The following TBC1D19 variants were observed in gnomAD, a reference collection of about 807,000 sequenced individuals.
TBC1D19 encodes TBC1 domain family, member 19.
TBC1D19 carries 60 observed loss-of-function variants against 89.0 expected under a neutral mutation model. The ratio of observed to expected loss-of-function variants is 0.67; its 90% CI spans 0.55 to 0.84. TBC1D19 has a LOEUF of 0.84. Ranked by LOEUF, TBC1D19 falls within the 40% of genes least tolerant of loss-of-function variation. The pLI is 0.00. For synonymous variants in TBC1D19, 189 were observed against 199.7 expected (o/e 0.95, Z 0.45); for missense variants, 500 against 610.8 (o/e 0.82, Z 1.91).
chr4:26,673,896 G>GA lies in TBC1D19; in HGVS notation c.816+15dup. 4 of 1,514,652 alleles carry GA rather than the reference G, an allele frequency of 2.6e-6. No individual in the cohort carries two copies. The highest frequency in any genetic ancestry group is 1.4e-5 in the African/African-American group (1 of 71,272). 93.8% of individuals were successfully genotyped at this position (1,514,652 alleles called of 1,614,324 possible). On this transcript the variant is annotated intron_variant, in intron 11 of 20. Transcript: ENST00000264866. ...ATTTCCAGCCAACCTGAGGTAAGAA[G>GA]AAAAAAAGGGTGGGTCAGATTTTAG...
chr4:26,849,631 G>T, the TBC1D19 span, among the ~76,000 whole-genome samples: 1 of 152,068 alleles, frequency 6.6e-6, no homozygotes, highest in African/African-American at 2.4e-5. Flanking sequence ...AATCTCAGAC[G>T]CCCAGCAAGT....
chr4:26,658,815 G>T (rs1745044086), intron 7 of TBC1D19, among the ~76,000 whole-genome samples: 1 of 152,134 alleles, frequency 6.6e-6, no homozygotes. Flanking sequence ...CTTGTAAATT[G>T]TATTGCTAGG....
chr4:26,699,818 A>G (rs1715157326), intron 13 of TBC1D19, among the ~76,000 whole-genome samples: 1 of 150,790 alleles, frequency 6.6e-6, no homozygotes, highest in South Asian at 2.1e-4. Flanking sequence ...AACAATGAGA[A>G]CACTTGGACA....
At chr4:26,617,917 G>A (rs752634983) in intron 3 of TBC1D19, among the ~76,000 whole-genome samples, 16 of 152,174 alleles carry the variant, frequency 1.1e-4, no homozygotes, top group Non-Finnish European at 2.2e-4. Context: ...AGAGTTACAA[G>A]TGTCAAACAG....
At chr4:26,720,776 A>T (rs903803139) in intron 15 of TBC1D19, among the ~76,000 whole-genome samples, 10 of 152,092 alleles carry the variant, frequency 6.6e-5, no homozygotes, top group Non-Finnish European at 2.9e-5. Context: ...TTGGGTTCAG[A>T]TCCCAATTCT....
At chr4:26,770,862 A>AC in the TBC1D19 span, among the ~76,000 whole-genome samples, 1 of 152,176 alleles carries the variant, frequency 6.6e-6, no homozygotes, top group East Asian at 1.9e-4. Context: ...TTGCTAAATA[A>AC]CCCATAGGTC....
upstream of TBC1D19, among the ~76,000 whole-genome samples, chr4:26,581,401 G>T (rs950240491): frequency 9.9e-5 from 15 of 152,090 alleles, no homozygotes; most frequent in Admixed American, 2.6e-4. Context: ...ACAGGCCCTG[G>T]TGTGTGATGT....
the TBC1D19 span, among the ~76,000 whole-genome samples, chr4:26,827,311 A>AT: frequency 6.6e-6 from 1 of 152,298 alleles, no homozygotes; most frequent in Non-Finnish European, 1.5e-5. Flanking sequence ...TTGGGTCAAA[A>AT]TCATCAGGCA....
At chr4:26,854,784 G>A in the TBC1D19 span, among the ~76,000 whole-genome samples, 4 of 144,646 alleles carry the variant, frequency 2.8e-5, no homozygotes, top group African/African-American at 1.0e-4. Context: ...GGTGGTAGAC[G>A]CTCCTGGGAT....
At chr4:26,833,394 T>TA in the TBC1D19 span, among the ~76,000 whole-genome samples, 1 of 152,180 alleles carries the variant, frequency 6.6e-6, no homozygotes, top group African/African-American at 2.4e-5. Context: ...GATAAATACA[T>TA]AGAGTCATGA....
chr4:26,783,654 G>T, the TBC1D19 span, among the ~76,000 whole-genome samples: 1 of 152,250 alleles, frequency 6.6e-6, no homozygotes, highest in South Asian at 2.1e-4. Flanking sequence ...AAATAAAGGG[G>T]GTATGCTTTT....
At chr4:26,675,207 AT>A (rs1712692858) in intron 11 of TBC1D19, among the ~76,000 whole-genome samples, 1 of 152,114 alleles carries the variant, frequency 6.6e-6, no homozygotes, top group African/African-American at 2.4e-5. Flanking sequence ...ACTTAACTGT[AT>A]AGAAATTGTA....
At chr4:26,699,869 G>A (rs1051350748) in intron 13 of TBC1D19, among the ~76,000 whole-genome samples, 22 of 151,480 alleles carry the variant, frequency 1.5e-4, no homozygotes, top group African/African-American at 4.9e-4. Flanking sequence ...GTTTTGGGGT[G>A]GGGGGAAGGG....
chr4:26,602,662 A>C (rs184657342), intron 1 of TBC1D19, among the ~76,000 whole-genome samples: 18 of 151,966 alleles, frequency 1.2e-4, no homozygotes, highest in South Asian at 2.1e-4. Context: ...GGATGGTCTC[A>C]ATCTCCTGAC....
At chr4:26,597,219 AT>A (rs1054568120) in intron 1 of TBC1D19, among the ~76,000 whole-genome samples, 2 of 152,018 alleles carry the variant, frequency 1.3e-5, no homozygotes, top group African/African-American at 4.8e-5. Context: ...ATTCTTTCAG[AT>A]TTTTGCTTAT....
rs528235141 is a variant in TBC1D19, at chr4:26,692,374, C to A, written c.954+3967C>A. On this transcript the variant is annotated intron_variant, in intron 13 of 20. Coordinates refer to ENST00000264866, the MANE Select transcript of TBC1D19 (RefSeq NM_018317.4). ...GCCAAAAATACTAGGGCCTCAACGG[C>A]TTTCACCTCATTTTGTTTATAGAGG... is the stretch of plus-strand genomic sequence containing the variant. Among the ~76,000 whole-genome samples, 5 of 152,294 alleles carry A rather than the reference C, an allele frequency of 3.3e-5. No homozygotes were observed. In the East Asian group the frequency reaches 9.7e-4, roughly 29 times the overall value.
chr4:26,713,639 T>G (rs1233308525), intron 13 of TBC1D19, among the ~76,000 whole-genome samples: 3 of 152,088 alleles, frequency 2.0e-5, no homozygotes, highest in Admixed American at 2.0e-4. Flanking sequence ...AACTGCCTCT[T>G]TACTGAATAA....
the TBC1D19 span, among the ~76,000 whole-genome samples, chr4:26,836,989 C>A: frequency 6.6e-6 from 1 of 152,130 alleles, no homozygotes; most frequent in Non-Finnish European, 1.5e-5. Flanking sequence ...CGAGCCTGGA[C>A]CCAGACCCAT....
At chr4:26,809,313 A>G in the TBC1D19 span, among the ~76,000 whole-genome samples, 18 of 152,226 alleles carry the variant, frequency 1.2e-4, no homozygotes, top group African/African-American at 4.1e-4. Context: ...TCTGTTTTTC[A>G]GTTCCTATGG....
Sources: gnomAD v4.1 joint callset for allele counts (sites outside exome capture counted in the v4.1 genomes callset) on GRCh38, gnomAD v4.1.1 for gene constraint, MANE v1.5 for transcripts, NCBI Gene and HGNC (gene_info 2026-07-23, HGNC 2026-07-21) for gene names.